ATP11B: variants seen among roughly 807,000 people sequenced by gnomAD.
ATP11B encodes the protein phospholipid-transporting ATPase IF.
A neutral mutation model predicts 157.8 loss-of-function variants in ATP11B; 81 were observed. The ratio of observed to expected loss-of-function variants is 0.51; its 90% CI spans 0.43 to 0.62. ATP11B has a LOEUF of 0.62. ATP11B is among the 20% of genes least tolerant of loss of function. ATP11B has a pLI of 0.00. For missense variants in ATP11B, 1,165 were observed against 1,402.2 expected, an observed-to-expected ratio of 0.83 and a Z score of 2.70; for synonymous variants, 451 against 469.4, an observed-to-expected ratio of 0.96 and a Z score of 0.51.
In ATP11B at chr3:182,848,527, G is replaced by C; in HGVS notation, c.821G>C (p.Ser274Thr). Residue 274 changes from serine (S) to threonine (T), a missense_variant, in exon 10 of 30, where the codon AGC (serine) becomes ACC (threonine). By Grantham distance (58) the Ser-to-Thr change is moderately conservative. Around this residue, in one of 4 missense-constraint regions of ATP11B, gnomAD observed 737 missense variants for 930.5 expected, o/e 0.79. Transcript: ENST00000323116. ...METKMALNYKSKSQKRSAVEK... is the reference protein window; with the variant it reads ...METKMALNYKTKSQKRSAVEK... Reference sequence around the variant, plus strand: ...ACTAAGATGGCATTAAATTACAAGAGCAAATCACAGAAACGATCTGCAGTA... The same window carrying C: ...ACTAAGATGGCATTAAATTACAAGACCAAATCACAGAAACGATCTGCAGTA... The C allele has an allele frequency of 6.4e-7, 1 of 1,570,244 alleles. No homozygotes were observed. The highest frequency in any genetic ancestry group is 1.4e-5 in the African/African-American group (1 of 73,608).
chr3:182,849,632 A>G (rs376073860), intron 10 of ATP11B, among the ~76,000 whole-genome samples: 2 of 152,254 alleles, frequency 1.3e-5, no homozygotes, highest in Admixed American at 6.5e-5. Flanking sequence ...AAACATCATT[A>G]GGTGGGTCTC....
At chr3:182,866,858 AT>A (rs1421220863) in intron 14 of ATP11B, among the ~76,000 whole-genome samples, 1 of 39,404 alleles carries the variant, frequency 2.5e-5, no homozygotes. Context: ...AATAAAAATT[AT>A]TATATATAAC....
chr3:182,822,844 T>G (rs1334237815), intron 2 of ATP11B, among the ~76,000 whole-genome samples: 1 of 152,240 alleles, frequency 6.6e-6, no homozygotes, highest in Non-Finnish European at 1.5e-5. Context: ...ATTGTGGTTT[T>G]GATTTGCATT....
chr3:182,805,157 G>A (rs1349444621), intron 1 of ATP11B, among the ~76,000 whole-genome samples: 3 of 152,050 alleles, frequency 2.0e-5, no homozygotes, highest in African/African-American at 7.2e-5. Context: ...GACTTTTATT[G>A]GGTCATATAG....
At chr3:182,890,106 A>C (rs987405783) in intron 25 of ATP11B, among the ~76,000 whole-genome samples, 1 of 152,216 alleles carries the variant, frequency 6.6e-6, no homozygotes. Flanking sequence ...TTTCCGAAGC[A>C]TGAAATTAGG....
intron 28 of ATP11B, chr3:182,905,761 A>AAT: frequency 2.2e-6 from 1 of 456,706 alleles, no homozygotes; most frequent in Non-Finnish European, 4.4e-6. Context: ...ATCATTCTGT[A>AAT]ATATGAGACT....
intron 21 of ATP11B, among the ~76,000 whole-genome samples, chr3:182,883,214 C>G (rs1722548249): frequency 6.6e-6 from 1 of 151,680 alleles, no homozygotes; most frequent in Non-Finnish European, 1.5e-5. Flanking sequence ...ACATTTGAAG[C>G]AGTGTCCATA....
At chr3:182,874,324 A>G (rs1721875544) in intron 19 of ATP11B, among the ~76,000 whole-genome samples, 1 of 152,156 alleles carries the variant, frequency 6.6e-6, no homozygotes, top group South Asian at 2.1e-4. Context: ...AGACTTTACA[A>G]AATACTCTCT....
At chr3:182,842,731 C>T (rs1293908303) in intron 8 of ATP11B, among the ~76,000 whole-genome samples, 1 of 152,152 alleles carries the variant, frequency 6.6e-6, no homozygotes. Flanking sequence ...AAGACTGTAA[C>T]AAGGGCTATG....
At chr3:182,845,433 T>C (rs1577011882) in intron 8 of ATP11B, 25 bp from the exon 9 acceptor site, 1 of 1,581,540 alleles carries the variant, frequency 6.3e-7, no homozygotes, top group East Asian at 2.3e-5. Flanking sequence ...TTCAGTGCTT[T>C]ATGGTTATTT....
chr3:182,795,567 C>T (rs549209478), intron 1 of ATP11B, among the ~76,000 whole-genome samples: 5 of 152,268 alleles, frequency 3.3e-5, no homozygotes, highest in East Asian at 1.9e-4. Context: ...GGATGGTTAA[C>T]GAGTTGAACA....
At chr3:182,829,214 A>G (rs985612716) in intron 3 of ATP11B, among the ~76,000 whole-genome samples, 2 of 152,212 alleles carry the variant, frequency 1.3e-5, no homozygotes, top group Non-Finnish European at 1.5e-5. Flanking sequence ...TATCCGGAGT[A>G]AAGGAACATC....
intron 4 of ATP11B, 126 bp from the exon 5 acceptor site, chr3:182,835,909 C>G: frequency 1.6e-6 from 1 of 631,558 alleles, no homozygotes; most frequent in Non-Finnish European, 2.7e-6. Context: ...GCATGTGCAT[C>G]CAAATAGCCT....
At chr3:182,894,619 G>A (rs190439977) in intron 25 of ATP11B, among the ~76,000 whole-genome samples, 17 of 152,262 alleles carry the variant, frequency 1.1e-4, no homozygotes, top group Non-Finnish European at 1.2e-4. Flanking sequence ...ACATTACTTC[G>A]TATAATTTTA....
intron 2 of ATP11B, among the ~76,000 whole-genome samples, chr3:182,827,614 A>G (rs1202164480): frequency 1.3e-5 from 2 of 151,932 alleles, no homozygotes; most frequent in Non-Finnish European, 2.9e-5. Flanking sequence ...CGCGGCGATC[A>G]CTTATCTAAA....
chr3:182,830,595 A>G (rs1262390497), intron 4 of ATP11B, among the ~76,000 whole-genome samples: 5 of 152,246 alleles, frequency 3.3e-5, no homozygotes, highest in African/African-American at 1.2e-4. Context: ...CTGCAAGAGA[A>G]TTAACTGAAT....
At position 182,918,064 on chromosome 3, in the gene ATP11B, G is replaced by T; in HGVS notation, c.3494G>T (p.Ser1165Ile). The T allele has an allele frequency of 6.2e-7, 1 of 1,613,326 alleles. No homozygotes were observed. The highest frequency in any genetic ancestry group is 8.5e-7 in the Non-Finnish European group (1 of 1,179,504). Residue 1165 changes from serine (S) to isoleucine (I), a missense_variant, in exon 30 of 30, where the codon AGC becomes ATC. Physicochemically the swap from Ser to Ile is moderately radical, Grantham distance 142 (BLOSUM62 -2). Coordinates refer to ENST00000323116, the MANE Select transcript of ATP11B (RefSeq NM_014616.3). ...GATCCTTTCTATACCAACGACAGGA[G>T]CATCTTGACTCTCTCCACAATGGAC... Reference protein sequence around the residue: ...ASDPFYTNDRSILTLSTMDSS... With the variant: ...ASDPFYTNDRIILTLSTMDSS...
In ATP11B at chr3:182,920,988, G is replaced by C. The variant is rs1725447509; in HGVS notation, c.*2884G>C. 1 of 152,192 alleles carries C rather than the reference G, an allele frequency of 6.6e-6. No individual in the cohort carries two copies. The allele number at this position is 152,192 out of a possible 1,614,324, so 9.4% of individuals were successfully genotyped here. ...CATTCTGCCCTACGGTTAGTACCAG[G>C]ACTGAGGTCATTTCTACTGGAAAAG... On this transcript the variant is annotated 3_prime_UTR_variant, in exon 30 of 30. Coordinates refer to ENST00000323116, the MANE Select transcript of ATP11B (RefSeq NM_014616.3).
At position 182,896,766 on chromosome 3, in the gene ATP11B, G is replaced by A; in HGVS notation, c.3048+1G>A. 6.2e-7 allele frequency: 1 copy of A among 1,611,220 alleles called. No homozygotes were observed. Among genetic ancestry groups the A allele is most frequent in the Non-Finnish European group, 8.5e-7 (1 of 1,177,892 alleles). On this transcript the variant is annotated splice_donor_variant, in intron 26 of 29. Coordinates refer to ENST00000323116, the MANE Select transcript of ATP11B (RefSeq NM_014616.3). LOFTEE classifies it high-confidence loss of function. Reference sequence around the variant, plus strand: ...CATGGTTATTACAGTCACAGTAAAGGTATGGTACTGAAATTAGAAATGTGG... The same window carrying A: ...CATGGTTATTACAGTCACAGTAAAGATATGGTACTGAAATTAGAAATGTGG...
Sources: gnomAD v4.1 joint callset for allele counts (sites outside exome capture counted in the v4.1 genomes callset) on GRCh38, gnomAD v4.1.1 for gene constraint, gnomAD v4.1.1 regional missense constraint, MANE v1.5 for transcripts, NCBI Gene and HGNC (gene_info 2026-07-23, HGNC 2026-07-21) for gene names.